CRTC1: variants seen among roughly 807,000 people sequenced by gnomAD.
CRTC1 encodes CREB-regulated transcription coactivator 1.
A neutral mutation model predicts 66.1 loss-of-function variants in CRTC1; 18 were observed. That is an observed-to-expected ratio of 0.27 (90% CI 0.19 to 0.40). CRTC1 has a LOEUF of 0.40. Ranked by LOEUF, CRTC1 falls within the 10% of genes least tolerant of loss-of-function variation. The pLI is 1.00. For missense variants in CRTC1, 669 were observed against 887.9 expected, an observed-to-expected ratio of 0.75 and a Z score of 3.13; for synonymous variants, 416 against 398.8, an observed-to-expected ratio of 1.04 and a Z score of -0.51.
chr19:18,777,562 C>T lies in CRTC1; in HGVS notation c.*180C>T, dbSNP rs989239653. 8.3e-6 allele frequency: 5 copies of T among 601,944 alleles called. No homozygotes were observed. The highest frequency in any genetic ancestry group is 6.1e-5 in the East Asian group (2 of 32,630). 37.3% of individuals were successfully genotyped at this position (601,944 alleles called of 1,614,324 possible). A position where few individuals can be genotyped will look rare whatever the true frequency, so the allele number is the denominator to read the frequency against. ...CTCCCGCGAAGCCCAATCGCGAGGC[C>T]GCGAGCCGGGCCGTCCACCCACCCG... On this transcript the variant is annotated 3_prime_UTR_variant, in exon 14 of 14. Transcript: ENST00000321949. The surrounding 1 kb of genome is among the most constrained non-coding windows in gnomAD (Gnocchi z 5.5).
Position 18,760,208 on chromosome 19 carries a change from G to A in CRTC1, c.866G>A (p.Gly289Asp), listed in dbSNP as rs1479341003. Residue 289 changes from glycine to aspartate, a missense_variant, in exon 8 of 14, where the codon GGC becomes GAC. Physicochemically the swap from Gly to Asp is moderately conservative, Grantham distance 94. This residue lies in a region of CRTC1 where 241 missense variants were observed against 242.2 expected (regional missense o/e 0.99). Transcript: ENST00000321949. This position sits in a 1 kb window ranked among gnomAD's most constrained non-coding sequence, Gnocchi z 6.2. ...CTCGCGGCCAACCTGACGCACCTGG[G>A]CATCGGTGGCGCCGGCCAGGGTAAG... ...GNLAANLTHL[G>D]IGGAGQGMST... 1 of 1,608,426 alleles carries A rather than the reference G, an allele frequency of 6.2e-7. No individual in the cohort carries two copies. Among genetic ancestry groups the A allele is most frequent in the Non-Finnish European group, 8.5e-7 (1 of 1,177,844 alleles).
At chr19:18,691,025 CAAAAAA>C (rs751088340) in intron 1 of CRTC1, among the ~76,000 whole-genome samples, 1 of 58,132 alleles carries the variant, frequency 1.7e-5, no homozygotes, top group Non-Finnish European at 3.6e-5. Context: ...GACTCCGTCT[CAAAAAA>C]AAAAAAAAAA....
Position 18,724,705 on chromosome 19 carries a change from G to A in CRTC1, c.127-18205G>A, listed in dbSNP as rs185763462. On this transcript the variant is annotated intron_variant, in intron 1 of 13. Coordinates refer to ENST00000321949, the MANE Select transcript of CRTC1 (RefSeq NM_015321.3). ...GTCTCATCTTCTGTCTCTTAAAAGGGCAGCAGTCACCCGATGTAGGGTCCT... is the reference window on the plus strand; with the variant it reads ...GTCTCATCTTCTGTCTCTTAAAAGGACAGCAGTCACCCGATGTAGGGTCCT... 1.4e-4 allele frequency among the ~76,000 whole-genome samples: 21 copies of A among 149,398 alleles called. No individual in the cohort carries two copies. The South Asian group carries it at 2.6e-3, about 18-fold the overall frequency.
intron 1 of CRTC1, among the ~76,000 whole-genome samples, chr19:18,730,687 C>T (rs960618391): frequency 2.0e-5 from 3 of 152,140 alleles, no homozygotes; most frequent in Non-Finnish European, 4.4e-5. Context: ...TCATCCCGGA[C>T]GGTTCCTGTA....
At chr19:18,701,922 G>GTTTTTT (rs1173804936) in intron 1 of CRTC1, among the ~76,000 whole-genome samples, 4 of 114,070 alleles carry the variant, frequency 3.5e-5, no homozygotes, top group Non-Finnish European at 7.4e-5. Context: ...CCACCGTTTT[G>GTTTTTT]TTTTTTTTTT....
intron 2 of CRTC1, chr19:18,744,218 G>A (rs1392834666): frequency 2.6e-5 from 39 of 1,516,056 alleles, no homozygotes; most frequent in South Asian, 3.5e-5. Context: ...ACCCCGACCC[G>A]TGTGCGGGCG....
intron 1 of CRTC1, among the ~76,000 whole-genome samples, chr19:18,698,270 A>G (rs1405323534): frequency 7.6e-6 from 1 of 132,076 alleles, no homozygotes; most frequent in East Asian, 2.4e-4. Context: ...GTACTCAGCA[A>G]GTGCTTAGTA....
rs1601001549 is a variant in CRTC1, at chr19:18,768,655, T to C, written c.1182T>C (p.Pro394=). 2.0e-6 allele frequency: 2 copies of C among 1,024,638 alleles called. No individual in the cohort carries two copies. The highest frequency in any genetic ancestry group is 2.4e-6 in the Non-Finnish European group (2 of 825,132). 63.5% of individuals were successfully genotyped at this position (1,024,638 alleles called of 1,614,324 possible). A position where few individuals can be genotyped will look rare whatever the true frequency, so the allele number is the denominator to read the frequency against. The change falls in exon 10 of 14, where the codon CCT becomes CCC. Residue 394 remains proline, a synonymous_variant. Transcript: ENST00000321949. This position sits in a 1 kb window ranked among gnomAD's most constrained non-coding sequence, Gnocchi z 5.6. The stretch of plus-strand genomic sequence containing the variant: ...CACAGGCGCCCGTCCGCCTGCCCCC[T>C]GGTGGCCCCCTGTTGCCCAGCGCCA... ...PPPQAPVRLP[P]GGPLLPSASL...
rs1382898345 is a variant in CRTC1, at chr19:18,779,120, T to C, written c.*1738T>C. ...CTGTTCTGATCCCCCCAAAACTGCA[T>C]TGCGGCTCTCGCTCGCTCCTGCCTG... is the stretch of plus-strand genomic sequence containing the variant. On this transcript the variant is annotated 3_prime_UTR_variant, in exon 14 of 14. Coordinates refer to ENST00000321949, the MANE Select transcript of CRTC1 (RefSeq NM_015321.3). 1 of 232,466 alleles carries C rather than the reference T, an allele frequency of 4.3e-6. No homozygotes were observed. The highest frequency in any genetic ancestry group is 8.5e-6 in the Non-Finnish European group (1 of 117,618). 14.4% of individuals were successfully genotyped at this position (232,466 alleles called of 1,614,324 possible).
In CRTC1 at chr19:18,764,574, C is replaced by T. The variant is rs10409895; in HGVS notation, c.887-830C>T. Among the ~76,000 whole-genome samples the T allele has an allele frequency of 5.3e-5, 8 of 152,314 alleles. No individual in the cohort carries two copies. The East Asian group carries it at 5.8e-4, about 11-fold the overall frequency. ...TTGGGTTGCTCAGTGCAAGGGCCTT[C>T]GGGGCCGGGGTGAGGGAAGGGGTGA... On this transcript the variant is annotated intron_variant, in intron 8 of 13. Coordinates refer to ENST00000321949, the MANE Select transcript of CRTC1 (RefSeq NM_015321.3).
At chr19:18,733,966 G>A (rs528291061) in intron 1 of CRTC1, among the ~76,000 whole-genome samples, 4 of 152,224 alleles carry the variant, frequency 2.6e-5, no homozygotes, top group African/African-American at 9.6e-5. Context: ...AAAATTCGCC[G>A]GGCATGGTGG....
intron 1 of CRTC1, among the ~76,000 whole-genome samples, chr19:18,736,108 G>A (rs925527939): frequency 2.0e-5 from 3 of 152,212 alleles, no homozygotes; most frequent in African/African-American, 4.8e-5. Flanking sequence ...TCCAGCCAGC[G>A]TGGACATGGG....
At chr19:18,755,379 T>C (rs1434085854) in intron 6 of CRTC1, among the ~76,000 whole-genome samples, 1 of 151,460 alleles carries the variant, frequency 6.6e-6, no homozygotes, top group Non-Finnish European at 1.5e-5. Flanking sequence ...CTGCCTCAGC[T>C]TCCAGAGTAG....
In CRTC1 at chr19:18,775,779, G is replaced by A. The variant is rs747154038; in HGVS notation, c.1651G>A (p.Gly551Arg). The A allele has an allele frequency of 1.9e-6, 3 of 1,610,264 alleles. No homozygotes were observed. The Admixed American group carries it at 5.0e-5, about 27-fold the overall frequency. The change falls in exon 13 of 14, where the codon GGA becomes AGA. Residue 551 changes from glycine (G) to arginine (R), a missense_variant. Coordinates refer to ENST00000321949, the MANE Select transcript of CRTC1 (RefSeq NM_015321.3). ...HGSLPDSQQL[G>R]YASHSGIPNI... Reference sequence around the variant, plus strand: ...GAGCCTGCCGGACTCGCAGCAACTGGGATACGCCAGCCACAGTGGCATCCC... The same window carrying A: ...GAGCCTGCCGGACTCGCAGCAACTGAGATACGCCAGCCACAGTGGCATCCC...
rs191994759 is a variant in CRTC1, at chr19:18,699,987, C to A, written c.126+16159C>A. 3.0e-3 allele frequency among the ~76,000 whole-genome samples: 455 copies of A among 152,142 alleles called. 2 individuals carry two copies. Among genetic ancestry groups the A allele is most frequent in the Non-Finnish European group, 4.6e-3 (313 of 67,994 alleles). The stretch of plus-strand genomic sequence containing the variant: ...AAAGGCGGGCTTGTGACAGACTGAG[C>A]CTCATCTCGGCAGCTCTCACACCCA... On this transcript the variant is annotated intron_variant, in intron 1 of 13. Transcript: ENST00000321949.
At chr19:18,705,356 T>A (rs984595136) in intron 1 of CRTC1, among the ~76,000 whole-genome samples, 43 of 152,316 alleles carry the variant, frequency 2.8e-4, no homozygotes, top group African/African-American at 8.4e-4. Context: ...AGTTTTGCTC[T>A]ACCACCCATG....
At chr19:18,708,972 C>A (rs915796958) in intron 1 of CRTC1, among the ~76,000 whole-genome samples, 26 of 152,196 alleles carry the variant, frequency 1.7e-4, no homozygotes, top group African/African-American at 6.3e-4. Context: ...GGGGTGCTGT[C>A]TCTAGGCCCG....
chr19:18,687,694 C>T lies in CRTC1; in HGVS notation c.126+3866C>T, dbSNP rs541318233. On this transcript the variant is annotated intron_variant, in intron 1 of 13. Coordinates refer to ENST00000321949, the MANE Select transcript of CRTC1 (RefSeq NM_015321.3). ...TCCAAAGGACAGCATGTCACTCATG[C>T]GTGTCTGTTCACAGTTGCCGGTGGT... Among the ~76,000 whole-genome samples the T allele has an allele frequency of 1.1e-3, 168 of 152,256 alleles. 1 individual carries two copies. Among genetic ancestry groups the T allele is most frequent in the African/African-American group, 3.9e-3 (161 of 41,532 alleles).
At chr19:18,706,182 CTTTTTTTTTTTTTTTTTTTTTTTTTT>C (rs58104974) in intron 1 of CRTC1, among the ~76,000 whole-genome samples, 4 of 18,720 alleles carry the variant, frequency 2.1e-4, no homozygotes, top group South Asian at 1.9e-3. Context: ...TTCCATTGGT[CTTTTTTTTTTTTTTTTTTTTTTTTTT>C]TTTTTTTTTT....
Sources: gnomAD v4.1 joint callset for allele counts (sites outside exome capture counted in the v4.1 genomes callset) on GRCh38, gnomAD v4.1.1 for gene constraint, gnomAD v4.1.1 regional missense constraint, Gnocchi (gnomAD v3.1) non-coding constraint, MANE v1.5 for transcripts, NCBI Gene and HGNC (gene_info 2026-07-23, HGNC 2026-07-21) for gene names.